Variants in ITPRID1 observed in about 807,000 individuals in gnomAD.
ITPRID1 encodes ITPR interacting domain containing 1.
In ITPRID1, 96 loss-of-function variants were observed where a neutral mutation model predicts 95.4. That is an observed-to-expected ratio of 1.01 (90% CI 0.85 to 1.19). The LOEUF (loss-of-function observed/expected upper bound fraction) is 1.19. Ranked by LOEUF, ITPRID1 falls within the 50% of genes most tolerant of loss-of-function variation. The probability of loss-of-function intolerance (pLI) is 0.00; values close to 1 mark genes in which losing one functional copy is unlikely to be tolerated. For synonymous variants in ITPRID1, 510 were observed against 453.6 expected (o/e 1.12, Z -1.58); for missense variants, 1,339 against 1,252.9 (o/e 1.07, Z -1.04).
intron 6 of ITPRID1, among the ~76,000 whole-genome samples, chr7:31,570,098 T>A (rs1784933643): frequency 6.6e-6 from 1 of 152,232 alleles, no homozygotes; most frequent in Admixed American, 6.5e-5. Flanking sequence ...CAACTGTTCA[T>A]AAGGACCTGT....
chr7:31,646,425 C>T (rs1027734244), intron 12 of ITPRID1, among the ~76,000 whole-genome samples: 1 of 152,070 alleles, frequency 6.6e-6, no homozygotes, highest in African/African-American at 2.4e-5. Flanking sequence ...GCAGCTTCTC[C>T]GAGGAAGGTA....
intron 10 of ITPRID1, among the ~76,000 whole-genome samples, chr7:31,594,026 T>A (rs879669249): frequency 1.4e-4 from 21 of 152,218 alleles, no homozygotes; most frequent in Non-Finnish European, 2.6e-4. Context: ...ATAACGATGC[T>A]TTGGTTAATG....
intron 12 of ITPRID1, among the ~76,000 whole-genome samples, chr7:31,650,073 C>G (rs1790817707): frequency 6.6e-6 from 1 of 152,202 alleles, no homozygotes; most frequent in Admixed American, 6.5e-5. Flanking sequence ...AGTTAGGATT[C>G]TGCCCTCCTA....
chr7:31,598,181 T>C (rs1214752770), intron 10 of ITPRID1, among the ~76,000 whole-genome samples: 1 of 152,056 alleles, frequency 6.6e-6, no homozygotes, highest in African/African-American at 2.4e-5. Flanking sequence ...AAGGATACAT[T>C]TATGACCTCA....
intron 10 of ITPRID1, 55 bp from the exon 11 acceptor site, chr7:31,642,121 C>A: frequency 7.5e-7 from 1 of 1,332,762 alleles, no homozygotes; most frequent in Non-Finnish European, 1.0e-6. Flanking sequence ...TGATCCAAGT[C>A]CTGCTGGCTG....
chr7:31,519,676 CCTTT>C (rs1783181262), intron 1 of ITPRID1, among the ~76,000 whole-genome samples: 1 of 108,664 alleles, frequency 9.2e-6, no homozygotes, highest in Non-Finnish European at 1.8e-5. Context: ...GGTATTTGTC[CCTTT>C]CTTTGCACAT....
At chr7:31,593,136 C>T (rs545150347) in intron 10 of ITPRID1, among the ~76,000 whole-genome samples, 7 of 152,130 alleles carry the variant, frequency 4.6e-5, no homozygotes, top group Non-Finnish European at 7.4e-5. Flanking sequence ...GAAAGCCCAT[C>T]GCTACTAAAA....
At chr7:31,545,518 A>G (rs1784069228) in intron 1 of ITPRID1, among the ~76,000 whole-genome samples, 1 of 152,130 alleles carries the variant, frequency 6.6e-6, no homozygotes, top group Non-Finnish European at 1.5e-5. Flanking sequence ...CAGTTTATCC[A>G]ACTTTATCAG....
rs181925000 is a variant in ITPRID1 at position 31,642,301 on chromosome 7, T to C, written c.1311+43T>C. The C allele has an allele frequency of 1.1e-5, 14 of 1,325,036 alleles. No homozygotes were observed. The African/African-American group carries it at 1.8e-4, about 17-fold the overall frequency. 82.1% of individuals were successfully genotyped at this position (1,325,036 alleles called of 1,614,324 possible). On this transcript the variant is annotated intron_variant, in intron 11 of 14. Coordinates refer to ENST00000615280, the MANE Select transcript of ITPRID1 (RefSeq NM_001257967.3). ...AGGGCCCTGTTGCTCATCCCTAACATCCCACTTCAGCCCTATCAACCAGGC... is the reference window on the plus strand; with the variant it reads ...AGGGCCCTGTTGCTCATCCCTAACACCCCACTTCAGCCCTATCAACCAGGC...
At chr7:31,658,274 A>T, downstream of ITPRID1, 1 of 1,504,410 alleles carries the variant, frequency 6.6e-7, no homozygotes, top group Non-Finnish European at 8.8e-7. Flanking sequence ...CTTATAGGTG[A>T]ATTATTGTCT....
Position 31,652,033 on chromosome 7 carries a change from A to G in ITPRID1, c.2806A>G (p.Arg936Gly). The G allele has an allele frequency of 6.2e-7, 1 of 1,600,406 alleles. No homozygotes were observed. Among genetic ancestry groups the G allele is most frequent in the South Asian group, 1.1e-5 (1 of 88,030 alleles). ...GTTAGGAGACCGGGCTCAGCAAATC[A>G]GAGAAGGGATTTTACTGGTATGGGT... The part of the protein sequence containing the change: ...FQLGDRAQQI[R>G]EGILLQLEVL... Residue 936 changes from arginine to glycine, a missense_variant, in exon 14 of 15, where the codon AGA (arginine) becomes GGA (glycine). By Grantham distance (125) the Arg-to-Gly change is moderately radical. Transcript: ENST00000615280.
At chr7:31,608,062 T>C (rs150049736) in intron 10 of ITPRID1, among the ~76,000 whole-genome samples, 4 of 152,150 alleles carry the variant, frequency 2.6e-5, no homozygotes, top group African/African-American at 9.6e-5. Flanking sequence ...CTGTAAAGTT[T>C]TCATCTCACT....
intron 1 of ITPRID1, chr7:31,517,979 G>C (rs1783103765): frequency 6.6e-6 from 1 of 152,360 alleles, no homozygotes; most frequent in East Asian, 1.9e-4. Context: ...ATGTTACTGT[G>C]TGTGTTAAAA....
chr7:31,628,630 G>A (rs984590897), intron 10 of ITPRID1, among the ~76,000 whole-genome samples: 4 of 151,864 alleles, frequency 2.6e-5, no homozygotes, highest in Non-Finnish European at 4.4e-5. Context: ...GCTAATTTTT[G>A]TATTTTTAGT....
At chr7:31,537,093 TGTTG>T (rs1783782509) in intron 1 of ITPRID1, among the ~76,000 whole-genome samples, 3 of 107,700 alleles carry the variant, frequency 2.8e-5, no homozygotes, top group Admixed American at 1.0e-4. Context: ...AAGGTGTGTG[TGTTG>T]TGTGTGTGTG....
intron 5 of ITPRID1, among the ~76,000 whole-genome samples, chr7:31,562,053 A>G (rs974867333): frequency 7.1e-6 from 1 of 140,256 alleles, no homozygotes; most frequent in African/African-American, 2.6e-5. Flanking sequence ...TTAAAAAAAA[A>G]AAAAAAAAAA....
chr7:31,573,543 T>G (rs915271339), intron 7 of ITPRID1, among the ~76,000 whole-genome samples: 2 of 152,110 alleles, frequency 1.3e-5, no homozygotes, highest in Non-Finnish European at 2.9e-5. Flanking sequence ...AGGAAGTCAC[T>G]GAAGTAAAAT....
intron 10 of ITPRID1, among the ~76,000 whole-genome samples, chr7:31,628,288 G>A (rs901590891): frequency 6.6e-6 from 1 of 151,786 alleles, no homozygotes; most frequent in African/African-American, 2.4e-5. Flanking sequence ...GCAGGGCAGA[G>A]AATGATCAGA....
chr7:31,605,602 G>A (rs1241350996), intron 10 of ITPRID1, among the ~76,000 whole-genome samples: 1 of 152,220 alleles, frequency 6.6e-6, no homozygotes, highest in Non-Finnish European at 1.5e-5. Flanking sequence ...TGATAAGCAT[G>A]AGACTTTAGA....
Sources: gnomAD v4.1 joint callset for allele counts (sites outside exome capture counted in the v4.1 genomes callset) on GRCh38, gnomAD v4.1.1 for gene constraint, MANE v1.5 for transcripts, NCBI Gene and HGNC (gene_info 2026-07-23, HGNC 2026-07-21) for gene names.